Variants in TRHDE observed in about 807,000 individuals in gnomAD.
The protein encoded by TRHDE is thyrotropin-releasing hormone-degrading ectoenzyme.
In TRHDE, 72 loss-of-function variants were observed where a neutral mutation model predicts 125.7. The ratio of observed to expected loss-of-function variants is 0.57; its 90% CI spans 0.47 to 0.70. The LOEUF (loss-of-function observed/expected upper bound fraction) is 0.70, where lower values mean the gene tolerates loss of function less well. Among genes scored for constraint, TRHDE ranks in the 30% least tolerant of loss-of-function variants. The pLI is 0.00. For missense variants in TRHDE, 1,110 were observed against 1,327.1 expected, an observed-to-expected ratio of 0.84 and a Z score of 2.54; for synonymous variants, 509 against 509.1, an observed-to-expected ratio of 1.00 and a Z score of 0.00.
chr12:72,646,213 C>T (rs1874273673), intron 15 of TRHDE, among the ~76,000 whole-genome samples: 1 of 151,962 alleles, frequency 6.6e-6, no homozygotes, highest in Non-Finnish European at 1.5e-5. Context: ...AAAACAATAA[C>T]AGTGTGAGGA....
chr12:72,538,090 A>G (rs1256285220), intron 6 of TRHDE, among the ~76,000 whole-genome samples: 1 of 152,022 alleles, frequency 6.6e-6, no homozygotes, highest in Non-Finnish European at 1.5e-5. Context: ...TTCTATCTCC[A>G]CTGGGTCATC....
chr12:72,372,550 T>G (rs1220491400), intron 2 of TRHDE, among the ~76,000 whole-genome samples: 1 of 152,230 alleles, frequency 6.6e-6, no homozygotes, highest in African/African-American at 2.4e-5. Context: ...GTAATCCATC[T>G]TGAATTAATT....
chr12:72,440,547 A>G (rs1426225194), intron 3 of TRHDE, among the ~76,000 whole-genome samples: 1 of 151,964 alleles, frequency 6.6e-6, no homozygotes, highest in East Asian at 1.9e-4. Flanking sequence ...GATAAAATAT[A>G]TAAGCATATA....
At chr12:72,591,535 C>T (rs1871680790) in intron 12 of TRHDE, among the ~76,000 whole-genome samples, 1 of 150,182 alleles carries the variant, frequency 6.7e-6, no homozygotes, top group Non-Finnish European at 1.5e-5. Context: ...CATTTATATG[C>T]TTATGAAGAA....
intron 2 of TRHDE, among the ~76,000 whole-genome samples, chr12:72,152,337 T>G (rs1206474100): frequency 6.6e-6 from 1 of 151,898 alleles, no homozygotes; most frequent in Non-Finnish European, 1.5e-5. Flanking sequence ...TCATGTCATC[T>G]GCAAACAGGG....
chr12:72,312,642 G>T (rs1448983405), intron 2 of TRHDE, among the ~76,000 whole-genome samples: 1 of 152,124 alleles, frequency 6.6e-6, no homozygotes, highest in African/African-American at 2.4e-5. Context: ...CACATTTTCC[G>T]GGAGGTCACG....
At chr12:72,617,138 G>A (rs1872850479) in intron 12 of TRHDE, among the ~76,000 whole-genome samples, 1 of 152,004 alleles carries the variant, frequency 6.6e-6, no homozygotes, top group Non-Finnish European at 1.5e-5. Context: ...AATGGAATTT[G>A]CACAGGAAAA....
chr12:72,411,950 C>G (rs989846015), intron 3 of TRHDE, among the ~76,000 whole-genome samples: 2 of 152,058 alleles, frequency 1.3e-5, no homozygotes, highest in East Asian at 1.9e-4. Context: ...AAGTTGACAC[C>G]TATCTCACAC....
Position 72,663,085 on chromosome 12 carries a change from G to C in TRHDE, c.3100G>C (p.Ala1034Pro), listed in dbSNP as rs1370315641. ...CTTCATGAAAAACTATGATGGGGTA[G>C]CTGCTGCTTCTTTCTCACGAGCTGT... ...KNFMKNYDGV[A>P]AASFSRAVET... is the part of the protein sequence containing the mutation. Residue 1034 changes from alanine (A) to proline (P), a missense_variant, in exon 19 of 19, where the codon GCT becomes CCT. Ala to Pro is a conservative substitution (Grantham distance 27). Coordinates refer to ENST00000261180, the MANE Select transcript of TRHDE (RefSeq NM_013381.3). 2 of 1,612,396 alleles carry C rather than the reference G, an allele frequency of 1.2e-6. No individual in the cohort carries two copies. The highest frequency in any genetic ancestry group is 1.1e-5 in the South Asian group (1 of 90,792).
intron 3 of TRHDE, among the ~76,000 whole-genome samples, chr12:72,444,121 CA>C (rs1193920179): frequency 1.3e-5 from 2 of 151,770 alleles, no homozygotes; most frequent in Non-Finnish European, 2.9e-5. Flanking sequence ...TCTTTATAGG[CA>C]AAGCTAAAAA....
intron 3 of TRHDE, among the ~76,000 whole-genome samples, chr12:72,462,853 C>T (rs1876190239): frequency 6.6e-6 from 1 of 152,130 alleles, no homozygotes; most frequent in Admixed American, 6.5e-5. Context: ...ACTCCCCAAC[C>T]CCTCAAACCT....
At chr12:72,400,303 A>G (rs1190537627) in intron 3 of TRHDE, among the ~76,000 whole-genome samples, 2 of 152,156 alleles carry the variant, frequency 1.3e-5, no homozygotes, top group Non-Finnish European at 2.9e-5. Context: ...TTTGAGAGTT[A>G]TTACATGGCA....
At chr12:72,297,795 G>A (rs1448740558) in intron 2 of TRHDE, among the ~76,000 whole-genome samples, 1 of 152,154 alleles carries the variant, frequency 6.6e-6, no homozygotes. Flanking sequence ...CAGAAGTAGT[G>A]GGAGTCAGGG....
At chr12:72,360,948 C>A (rs1291484004) in intron 2 of TRHDE, among the ~76,000 whole-genome samples, 1 of 151,630 alleles carries the variant, frequency 6.6e-6, no homozygotes, top group Admixed American at 6.6e-5. Flanking sequence ...TTAAAACCTG[C>A]ATACATTAGT....
At position 72,406,801 on chromosome 12, in the gene TRHDE, T is replaced by G. The variant is rs540589512; in HGVS notation, c.1315+28680T>G. 3.3e-5 allele frequency among the ~76,000 whole-genome samples: 5 copies of G among 152,328 alleles called. No homozygotes were observed. The South Asian group carries it at 1.0e-3, about 32-fold the overall frequency. On this transcript the variant is annotated intron_variant, in intron 3 of 18. Coordinates refer to ENST00000261180, the MANE Select transcript of TRHDE (RefSeq NM_013381.3). ...TAGTTGGTGAAAATAGATACTAGCC[T>G]TCTCACCATAGCATTGCACAGATTA...
chr12:72,112,893 C>A (rs1875353516), intron 2 of TRHDE, among the ~76,000 whole-genome samples: 1 of 152,154 alleles, frequency 6.6e-6, no homozygotes, highest in African/African-American at 2.4e-5. Flanking sequence ...GCTTCACAGG[C>A]CTAAGGTGAA....
At chr12:72,586,610 G>A (rs1871449361) in intron 12 of TRHDE, among the ~76,000 whole-genome samples, 1 of 152,074 alleles carries the variant, frequency 6.6e-6, no homozygotes, top group South Asian at 2.1e-4. Flanking sequence ...GATCACATTT[G>A]AATCACAGAT....
At chr12:72,525,976 T>C (rs1411519628) in intron 6 of TRHDE, among the ~76,000 whole-genome samples, 4 of 152,118 alleles carry the variant, frequency 2.6e-5, no homozygotes, top group Admixed American at 6.6e-5. Flanking sequence ...CCCAGTGTAG[T>C]TGAGAATCAG....
At chr12:72,587,311 T>G (rs553249447) in intron 12 of TRHDE, among the ~76,000 whole-genome samples, 5 of 152,126 alleles carry the variant, frequency 3.3e-5, no homozygotes, top group Non-Finnish European at 7.4e-5. Context: ...AGATTATCAG[T>G]TTTTTTAAGT....
Sources: allele counts gnomAD v4.1 joint callset (sites outside exome capture counted in the v4.1 genomes callset), GRCh38; gene constraint gnomAD v4.1.1; transcripts MANE v1.5; gene names NCBI Gene and HGNC (gene_info 2026-07-23, HGNC 2026-07-21).